PRKD1: variants seen among roughly 807,000 people sequenced by gnomAD.
The protein encoded by PRKD1 is protein kinase D1.
In PRKD1, 63 loss-of-function variants were observed where a neutral mutation model predicts 95.9. The observed-to-expected ratio is 0.66, with a 90% confidence interval of 0.54 to 0.81. The LOEUF (loss-of-function observed/expected upper bound fraction) is 0.81. Among genes scored for constraint, PRKD1 ranks in the 30% least tolerant of loss-of-function variants. The pLI is 0.00. For missense variants in PRKD1, 1,048 were observed against 1,165.3 expected (o/e 0.90, Z 1.47); for synonymous variants, 425 against 423.1 (o/e 1.00, Z -0.05).
At position 29,703,034 on chromosome 14, in the gene PRKD1, A is replaced by G. The variant is rs148452533; in HGVS notation, c.403+22502T>C. Among the ~76,000 whole-genome samples the G allele has an allele frequency of 1.6e-3, 243 of 152,170 alleles. 5 individuals are homozygous for G. The East Asian group carries it at 0.042, about 26-fold the overall frequency. On this transcript the variant is annotated intron_variant, in intron 2 of 17. Transcript: ENST00000331968. ...CATAGCCTGGGAGGTTTCTACTTTG[A>G]GGAATTTATTAAGATTTTCTTTGCC... is the stretch of plus-strand genomic sequence containing the variant.
At chr14:29,820,663 T>G (rs1209373176) in intron 1 of PRKD1, among the ~76,000 whole-genome samples, 1 of 152,120 alleles carries the variant, frequency 6.6e-6, no homozygotes, top group Admixed American at 6.5e-5. Flanking sequence ...ATATGGATAA[T>G]GGGGAAGACA....
intron 2 of PRKD1, among the ~76,000 whole-genome samples, chr14:29,675,329 T>C (rs1188825944): frequency 6.6e-6 from 1 of 152,196 alleles, no homozygotes; most frequent in African/African-American, 2.4e-5. Context: ...GACAAACACA[T>C]ACATACAACT....
At chr14:29,893,434 T>C (rs1016429101) in intron 1 of PRKD1, among the ~76,000 whole-genome samples, 1 of 151,978 alleles carries the variant, frequency 6.6e-6, no homozygotes, top group African/African-American at 2.4e-5. Flanking sequence ...TTTAGTGGCA[T>C]GTGGCATTCT....
At chr14:29,704,647 C>T (rs552443396) in intron 2 of PRKD1, among the ~76,000 whole-genome samples, 4 of 152,190 alleles carry the variant, frequency 2.6e-5, no homozygotes, top group African/African-American at 7.2e-5. Context: ...AGAGCATTCA[C>T]GTGGGAGCCT....
At chr14:29,682,934 G>A (rs1883616328) in intron 2 of PRKD1, among the ~76,000 whole-genome samples, 1 of 152,200 alleles carries the variant, frequency 6.6e-6, no homozygotes, top group South Asian at 2.1e-4. Flanking sequence ...ATGACCAAAG[G>A]ATATGTGTGC....
chr14:29,633,903 A>C (rs145112960), intron 8 of PRKD1, among the ~76,000 whole-genome samples: 42 of 152,342 alleles, frequency 2.8e-4, no homozygotes, highest in African/African-American at 9.4e-4. Flanking sequence ...TAACTTTGAA[A>C]CGTGAATCAA....
At chr14:29,633,864 C>T (rs775363698) in intron 8 of PRKD1, among the ~76,000 whole-genome samples, 1 of 152,162 alleles carries the variant, frequency 6.6e-6, no homozygotes, top group African/African-American at 2.4e-5. Context: ...AAAAGCAATA[C>T]AGTAACAGAA....
chr14:29,791,842 T>A (rs1448851217), intron 1 of PRKD1, among the ~76,000 whole-genome samples: 2 of 152,150 alleles, frequency 1.3e-5, no homozygotes, highest in African/African-American at 2.4e-5. Context: ...TTCTCTTAAG[T>A]AAGTACATAC....
At chr14:29,693,182 T>G (rs1296946501) in intron 2 of PRKD1, among the ~76,000 whole-genome samples, 2 of 152,272 alleles carry the variant, frequency 1.3e-5, no homozygotes, top group Non-Finnish European at 2.9e-5. Flanking sequence ...GGTTAAATTC[T>G]AAAAATGTTG....
chr14:29,862,660 A>G (rs772100290), intron 1 of PRKD1, among the ~76,000 whole-genome samples: 1 of 152,192 alleles, frequency 6.6e-6, no homozygotes, highest in African/African-American at 2.4e-5. Context: ...TGCCATTTGC[A>G]TGTCTTCAAG....
At chr14:29,599,207 A>G in intron 14 of PRKD1, 82 bp from the exon 15 acceptor site, 2 of 1,161,792 alleles carry the variant, frequency 1.7e-6, no homozygotes, top group Non-Finnish European at 2.5e-6. Context: ...CAAGAAAAAA[A>G]ACTGACAATG....
intron 1 of PRKD1, among the ~76,000 whole-genome samples, chr14:29,750,907 A>C (rs1336495832): frequency 1.3e-5 from 2 of 152,200 alleles, no homozygotes; most frequent in East Asian, 1.9e-4. Context: ...GTATATTCCC[A>C]TTCAAAAGAT....
intron 2 of PRKD1, among the ~76,000 whole-genome samples, chr14:29,672,056 A>G (rs796443071): frequency 5.3e-5 from 8 of 152,128 alleles, no homozygotes; most frequent in African/African-American, 1.9e-4. Flanking sequence ...ATATCATTTA[A>G]CAATTGGCCG....
At chr14:29,671,507 A>G (rs1461228263) in intron 2 of PRKD1, among the ~76,000 whole-genome samples, 4 of 152,218 alleles carry the variant, frequency 2.6e-5, no homozygotes, top group Non-Finnish European at 5.9e-5. Context: ...ACTCAGAAAT[A>G]AATAGTTTAA....
At chr14:29,615,533 T>A (rs753867107) in intron 13 of PRKD1, among the ~76,000 whole-genome samples, 49 of 152,224 alleles carry the variant, frequency 3.2e-4, no homozygotes, top group Non-Finnish European at 6.5e-4. Flanking sequence ...TATGAAAAGC[T>A]TATGAATCTT....
rs531886608 is a variant in PRKD1 at position 29,675,628 on chromosome 14, G to C, written c.404-9420C>G. Among the ~76,000 whole-genome samples the C allele has an allele frequency of 3.9e-5, 6 of 152,088 alleles. No homozygotes were observed. The South Asian group carries it at 8.3e-4, about 21-fold the overall frequency. ...ATTTGACCCAGCCATCCCATTACTG[G>C]GTATATACCCAAAGGATTATAAATC... On this transcript the variant is annotated intron_variant, in intron 2 of 17. Transcript: ENST00000331968.
intron 2 of PRKD1, among the ~76,000 whole-genome samples, chr14:29,713,487 G>C (rs1286930622): frequency 6.6e-6 from 1 of 152,066 alleles, no homozygotes; most frequent in Non-Finnish European, 1.5e-5. Flanking sequence ...TTTTTAAATG[G>C]ATATTCTAGA....
At chr14:29,619,284 A>C (rs1879084329) in intron 13 of PRKD1, among the ~76,000 whole-genome samples, 1 of 152,170 alleles carries the variant, frequency 6.6e-6, no homozygotes, top group South Asian at 2.1e-4. Context: ...TAATAAATAT[A>C]AAATGACACA....
At chr14:29,585,040 C>T (rs970886482) in intron 16 of PRKD1, among the ~76,000 whole-genome samples, 3 of 152,192 alleles carry the variant, frequency 2.0e-5, no homozygotes, top group Admixed American at 6.5e-5. Flanking sequence ...AAGCTCCTTG[C>T]CTTCAGGCAA....
Sources: allele counts gnomAD v4.1 joint callset (sites outside exome capture counted in the v4.1 genomes callset), GRCh38; gene constraint gnomAD v4.1.1; transcripts MANE v1.5; gene names NCBI Gene and HGNC (gene_info 2026-07-23, HGNC 2026-07-21).